The following PCDHA2 variants were observed in gnomAD, a reference collection of about 807,000 sequenced individuals.
PCDHA2 encodes the protein protocadherin alpha 2, also known as protocadherin alpha-2.
In PCDHA2, 58 loss-of-function variants were observed where a neutral mutation model predicts 66.0. The observed-to-expected ratio is 0.88, with a 90% CI of 0.71 to 1.09. The LOEUF is 1.09. PCDHA2 is among the 50% of genes least tolerant of loss of function. The probability of loss-of-function intolerance (pLI) is 0.00; values close to 1 mark genes in which losing one functional copy is unlikely to be tolerated. For synonymous variants in PCDHA2, 634 were observed against 554.0 expected, an observed-to-expected ratio of 1.14 and a Z score of -2.03; for missense variants, 1,267 against 1,242.3, an observed-to-expected ratio of 1.02 and a Z score of -0.30.
In PCDHA2 at chr5:140,853,235, T is replaced by C. The variant is rs2150529918; in HGVS notation, c.2388+55883T>C. Reference sequence around the variant, plus strand: ...TTGATGGGATTGGTAATTTAGTCCTTCATATTAATCTCTATTCTCTCTCAG... The same window carrying C: ...TTGATGGGATTGGTAATTTAGTCCTCCATATTAATCTCTATTCTCTCTCAG... On this transcript the variant is annotated intron_variant, in intron 1 of 3. Coordinates refer to ENST00000526136, the MANE Select transcript of PCDHA2 (RefSeq NM_018905.3). 4 of 980,668 alleles carry C rather than the reference T, an allele frequency of 4.1e-6. No individual in the cohort carries two copies. In the East Asian group the frequency reaches 4.6e-4, roughly 112 times the overall value. The allele number at this position is 980,668 out of a possible 1,614,324, so 60.7% of individuals were successfully genotyped here. A position where few individuals can be genotyped will look rare whatever the true frequency, so the allele number is the denominator to read the frequency against.
chr5:140,866,519 A>G (rs940195026), intron 1 of PCDHA2: 8 of 152,312 alleles, frequency 5.3e-5, no homozygotes, highest in African/African-American at 1.9e-4. Context: ...TGACTAAGCC[A>G]TGATAGAGCA....
intron 1 of PCDHA2, chr5:140,851,624 A>G (rs1224878154): frequency 1.1e-6 from 1 of 920,370 alleles, no homozygotes; most frequent in Non-Finnish European, 1.3e-6. Context: ...AATGCTTTTT[A>G]AACAAGTGTT....
intron 3 of PCDHA2, among the ~76,000 whole-genome samples, chr5:141,000,421 A>ATATAT (rs1265241806): frequency 3.6e-5 from 1 of 27,980 alleles, no homozygotes; most frequent in East Asian, 1.4e-3. Flanking sequence ...ATATATATAT[A>ATATAT]TTTTTTTTTT....
At chr5:140,797,577 T>A (rs543030616) in intron 1 of PCDHA2, 2 of 636,884 alleles carry the variant, frequency 3.1e-6, no homozygotes, top group East Asian at 2.8e-5. Flanking sequence ...ACTTCCATCA[T>A]TAAGTCATAA....
At chr5:140,835,075 C>T (rs2150230392) in intron 1 of PCDHA2, 4 of 1,211,226 alleles carry the variant, frequency 3.3e-6, no homozygotes, top group Non-Finnish European at 4.5e-6. Flanking sequence ...TTACTCATCA[C>T]GGTACTGGAC....
At chr5:140,819,356 A>T (rs1766542325) in intron 1 of PCDHA2, among the ~76,000 whole-genome samples, 2 of 152,128 alleles carry the variant, frequency 1.3e-5, no homozygotes. Context: ...ATGAAGATTA[A>T]ATTTTCTTGT....
chr5:140,807,618 A>G (rs1177804428), intron 1 of PCDHA2: 1 of 1,614,184 alleles, frequency 6.2e-7, no homozygotes, highest in Admixed American at 1.7e-5. Context: ...TCCATCGCGG[A>G]ATCCAGGCCG....
chr5:140,954,390 C>A (rs2095030202), intron 1 of PCDHA2, among the ~76,000 whole-genome samples: 1 of 152,204 alleles, frequency 6.6e-6, no homozygotes, highest in South Asian at 2.1e-4. Context: ...AACTAATTTA[C>A]AACCCCACCA....
intron 1 of PCDHA2, chr5:140,805,226 G>T: frequency 1.4e-6 from 2 of 1,394,074 alleles, no homozygotes; most frequent in Non-Finnish European, 1.9e-6. Context: ...TTTCTATTCT[G>T]CTGCATTCCC....
In PCDHA2 at chr5:140,879,783, G is replaced by C. The variant is rs182330190; in HGVS notation, c.2388+82431G>C. Among the ~76,000 whole-genome samples, 12 of 152,280 alleles carry C rather than the reference G, an allele frequency of 7.9e-5. No homozygotes were observed. In the East Asian group the frequency reaches 2.3e-3, roughly 29 times the overall value. ...TTTGGAGGCCCCAGGGAAGAATCTGGTTTTTGTTTCTTCCAGTTTCTATTG... is the reference window on the plus strand; with the variant it reads ...TTTGGAGGCCCCAGGGAAGAATCTGCTTTTTGTTTCTTCCAGTTTCTATTG... On this transcript the variant is annotated intron_variant, in intron 1 of 3. Coordinates refer to ENST00000526136, the MANE Select transcript of PCDHA2 (RefSeq NM_018905.3).
intron 1 of PCDHA2, chr5:140,850,341 G>A: frequency 6.3e-7 from 1 of 1,597,748 alleles, no homozygotes. Flanking sequence ...GCCAGAAACG[G>A]CCAGCGCGAG....
In PCDHA2 at chr5:140,795,967, A is replaced by G; in HGVS notation, c.1003A>G (p.Lys335Glu). 2 of 1,614,172 alleles carry G rather than the reference A, an allele frequency of 1.2e-6. No homozygotes were observed. The highest frequency in any genetic ancestry group is 1.7e-6 in the Non-Finnish European group (2 of 1,180,012). ...AACCCCTTCAATGTCAGGACATTGT[A>G]AAATTTCATTAAAACTTGTGGACAT... Reference protein sequence around the residue: ...KGTPSMSGHCKISLKLVDIND... With the variant: ...KGTPSMSGHCEISLKLVDIND... Residue 335 changes from lysine to glutamate, a missense_variant, in exon 1 of 4, where the codon AAA becomes GAA. Lys to Glu is a moderately conservative substitution (Grantham distance 56). Coordinates refer to ENST00000526136, the MANE Select transcript of PCDHA2 (RefSeq NM_018905.3).
At chr5:140,920,474 GT>G (rs1407391996) in intron 1 of PCDHA2, among the ~76,000 whole-genome samples, 1 of 152,008 alleles carries the variant, frequency 6.6e-6, no homozygotes, top group Non-Finnish European at 1.5e-5. Flanking sequence ...ATTTCTGTAT[GT>G]TTTTGGTCCA....
intron 1 of PCDHA2, chr5:140,831,268 T>C (rs1361595805): frequency 1.3e-5 from 2 of 152,248 alleles, no homozygotes; most frequent in Non-Finnish European, 2.9e-5. Flanking sequence ...TGAATTTCAC[T>C]TGATGGTCTT....
intron 1 of PCDHA2, chr5:140,842,416 T>C (rs1486970475): frequency 6.2e-7 from 1 of 1,613,166 alleles, no homozygotes; most frequent in Non-Finnish European, 8.5e-7. Flanking sequence ...ACGCTCAATT[T>C]GGTACTGTCA....
chr5:140,800,936 A>G, intron 1 of PCDHA2: 1 of 916,910 alleles, frequency 1.1e-6, no homozygotes, highest in Non-Finnish European at 1.4e-6. Flanking sequence ...AAATTTTGGG[A>G]AAGTTCAAAC....
At chr5:140,878,585 C>T (rs2057657468) in intron 1 of PCDHA2, among the ~76,000 whole-genome samples, 1 of 152,152 alleles carries the variant, frequency 6.6e-6, no homozygotes, top group African/African-American at 2.4e-5. Flanking sequence ...CTGCCCTGTG[C>T]CTATTACCAA....
chr5:140,901,213 G>A (rs2068513524), intron 1 of PCDHA2, among the ~76,000 whole-genome samples: 1 of 152,040 alleles, frequency 6.6e-6, no homozygotes, highest in Non-Finnish European at 1.5e-5. Flanking sequence ...TTTTTAAGTT[G>A]ATGTGATCCC....
intron 1 of PCDHA2, chr5:140,851,981 G>A: frequency 1.0e-6 from 1 of 976,468 alleles, no homozygotes; most frequent in Non-Finnish European, 1.2e-6. Flanking sequence ...TACCTTTAGT[G>A]CAAGCTATTT....
Sources: gnomAD v4.1 joint callset for allele counts (sites outside exome capture counted in the v4.1 genomes callset) on GRCh38, gnomAD v4.1.1 for gene constraint, MANE v1.5 for transcripts, NCBI Gene and HGNC (gene_info 2026-07-23, HGNC 2026-07-21) for gene names.